Variants in ZNF37A observed in about 807,000 individuals in gnomAD.
The protein encoded by ZNF37A is zinc finger protein 37A, also known as zinc finger protein 37a (KOX 21).
ZNF37A carries 10 observed loss-of-function variants against 12.3 expected under a neutral mutation model. The ratio of observed to expected loss-of-function variants is 0.82; its 90% CI spans 0.50 to 1.38. The LOEUF (loss-of-function observed/expected upper bound fraction) is 1.38. Ranked by LOEUF, ZNF37A falls within the 40% of genes most tolerant of loss-of-function variation. The pLI is 0.00. For missense variants in ZNF37A, 580 were observed against 651.2 expected (o/e 0.89, Z 1.19); for synonymous variants, 207 against 223.0 (o/e 0.93, Z 0.64).
chr10:38,144,452 A>G (rs945680144), intron 7 of ZNF37A: 1 of 152,230 alleles, frequency 6.6e-6, no homozygotes, highest in Non-Finnish European at 1.5e-5. Context: ...TTTCTCTCAC[A>G]GTCAAATACA....
chr10:38,098,187 A>G lies in ZNF37A; in HGVS notation c.15+1555A>G, dbSNP rs1219080561. Among the ~76,000 whole-genome samples, 3 of 152,204 alleles carry G rather than the reference A, an allele frequency of 2.0e-5. No homozygotes were observed. The East Asian group carries it at 5.8e-4, about 29-fold the overall frequency. On this transcript the variant is annotated intron_variant, in intron 5 of 7. Coordinates refer to ENST00000685332, the MANE Select transcript of ZNF37A (RefSeq NM_001324250.3). ...GACTGAACAATATTCTATTATATGG[A>G]TATACCAACTTTTGTTTATCCATTC...
chr10:38,132,579 G>T lies in ZNF37A; in HGVS notation c.239-14153G>T, dbSNP rs149797348. ...TTCAGTACAATATTTAATAAATAAA[G>T]TAAGATAGTCAACACTTTATTATAA... On this transcript the variant is annotated intron_variant, in intron 7 of 7. Transcript: ENST00000638053. 3.6e-3 allele frequency among the ~76,000 whole-genome samples: 543 copies of T among 152,126 alleles called. 9 individuals are homozygous for T. The South Asian group carries it at 0.05, about 14-fold the overall frequency.
chr10:38,113,598 C>T (rs2069004990), intron 5 of ZNF37A, among the ~76,000 whole-genome samples: 1 of 152,194 alleles, frequency 6.6e-6, no homozygotes, highest in Admixed American at 6.5e-5. Context: ...CCTCCTGGTT[C>T]TAATTTCCAG....
At position 38,112,787 on chromosome 10, in the gene ZNF37A, T is replaced by TGG. The variant is rs1216587557; in HGVS notation, c.16-1968_16-1967insGG. On this transcript the variant is annotated intron_variant, in intron 5 of 7. Coordinates refer to ENST00000685332, the MANE Select transcript of ZNF37A (RefSeq NM_001324250.3). The stretch of plus-strand genomic sequence containing the variant: ...TTTCTTTTCTTTTCTTTTCTTTTCT[T>TGG]TTCTTTTCTTGTCTTGTCTTGTCTT... Among the ~76,000 whole-genome samples, 63 of 59,960 alleles carry TGG rather than the reference T, an allele frequency of 1.1e-3. 8 individuals carry two copies. The highest frequency in any genetic ancestry group is 1.4e-3 in the African/African-American group (22 of 15,974). The allele number at this position is 59,960 out of a possible 152,430, so 39.3% of individuals were successfully genotyped here.
At chr10:38,110,482 A>G (rs1328481075) in intron 5 of ZNF37A, among the ~76,000 whole-genome samples, 8 of 152,346 alleles carry the variant, frequency 5.3e-5, no homozygotes, top group South Asian at 2.1e-4. Context: ...AAAATTGACA[A>G]ATGGGATCTA....
At chr10:38,146,274 T>TTTTA (rs1297745918) in intron 7 of ZNF37A, among the ~76,000 whole-genome samples, 1 of 152,024 alleles carries the variant, frequency 6.6e-6, no homozygotes, top group Admixed American at 6.6e-5. Flanking sequence ...AACAAGGGTG[T>TTTTA]TTTATTTATT....
downstream of ZNF37A, among the ~76,000 whole-genome samples, chr10:38,125,880 A>G (rs116061327): frequency 2.0e-5 from 3 of 152,322 alleles, no homozygotes; most frequent in Non-Finnish European, 2.9e-5. Context: ...GCTGGGATCT[A>G]CTTGGCTTCT....
intron 7 of ZNF37A, among the ~76,000 whole-genome samples, chr10:38,131,749 G>A (rs1261586622): frequency 6.6e-6 from 1 of 152,136 alleles, no homozygotes; most frequent in Admixed American, 6.5e-5. Context: ...ACAGTGTTAA[G>A]TCTTCCTATA....
At chr10:38,100,329 C>T (rs973544724) in intron 5 of ZNF37A, among the ~76,000 whole-genome samples, 3 of 152,068 alleles carry the variant, frequency 2.0e-5, no homozygotes, top group South Asian at 2.1e-4. Context: ...TGAGAGCAAC[C>T]GGTCTGACCA....
chr10:38,116,507 T>C (rs1386443110), intron 7 of ZNF37A, among the ~76,000 whole-genome samples: 1 of 152,146 alleles, frequency 6.6e-6, no homozygotes, highest in Non-Finnish European at 1.5e-5. Flanking sequence ...ATGAGCAATT[T>C]ATGAGGGACA....
At chr10:38,143,336 A>G (rs143540581) in intron 7 of ZNF37A, 164 of 152,378 alleles carry the variant, frequency 1.1e-3, no homozygotes, top group African/African-American at 3.7e-3. Context: ...TAATTTCAAT[A>G]AATATTTAAG....
chr10:38,100,735 G>GTGACATACATCTTCCTCAGC, intron 5 of ZNF37A, among the ~76,000 whole-genome samples: 1 of 152,218 alleles, frequency 6.6e-6, no homozygotes, highest in South Asian at 2.1e-4. Context: ...TGGTCCTCAG[G>GTGACATACATCTTCCTCAGC]TGACATACAT....
At chr10:38,099,228 C>G (rs1284733688) in intron 5 of ZNF37A, among the ~76,000 whole-genome samples, 1 of 152,132 alleles carries the variant, frequency 6.6e-6, no homozygotes, top group African/African-American at 2.4e-5. Context: ...ATCTCCAGAA[C>G]TTTTTCATCT....
At chr10:38,146,811 G>A in exon 8 of ZNF37A, 1 of 398,506 alleles carries the variant, frequency 2.5e-6, no homozygotes, top group East Asian at 3.6e-5. Context: ...CTCCAACCGA[G>A]CGGCACTAGA....
Position 38,114,818 on chromosome 10 carries a change from C to A in ZNF37A, c.79C>A (p.Pro27Thr). 1 of 1,613,964 alleles carries A rather than the reference C, an allele frequency of 6.2e-7. No homozygotes were observed. Among genetic ancestry groups the A allele is most frequent in the Non-Finnish European group, 8.5e-7 (1 of 1,179,964 alleles). ...FTQEEWQHLD[P>T]AQRTLYRDVM... ...TCAAGAGGAGTGGCAGCATCTGGACCCTGCTCAGAGGACCCTGTACAGGGA... is the reference window on the plus strand; with the variant it reads ...TCAAGAGGAGTGGCAGCATCTGGACACTGCTCAGAGGACCCTGTACAGGGA... Residue 27 changes from proline to threonine, a missense_variant, in exon 6 of 8, where the codon CCT (proline) becomes ACT (threonine). Transcript: ENST00000685332.
chr10:38,104,058 A>G (rs1445678222), intron 5 of ZNF37A, among the ~76,000 whole-genome samples: 1 of 152,200 alleles, frequency 6.6e-6, no homozygotes, highest in Non-Finnish European at 1.5e-5. Flanking sequence ...CATGATCTCA[A>G]TTCCCTGCTT....
chr10:38,110,486 G>T (rs1352957226), intron 5 of ZNF37A, among the ~76,000 whole-genome samples: 1 of 152,088 alleles, frequency 6.6e-6, no homozygotes, highest in Non-Finnish European at 1.5e-5. Flanking sequence ...TTGACAAATG[G>T]GATCTAATTA....
At chr10:38,107,214 A>G (rs1400171806) in intron 5 of ZNF37A, among the ~76,000 whole-genome samples, 27 of 152,224 alleles carry the variant, frequency 1.8e-4, no homozygotes, top group Non-Finnish European at 3.7e-4. Context: ...ATTCTTAAAG[A>G]AAAGAATTTT....
intron 7 of ZNF37A, chr10:38,140,543 T>C (rs1425663728): frequency 1.3e-5 from 2 of 152,208 alleles, no homozygotes; most frequent in Non-Finnish European, 2.9e-5. Context: ...GATATGTAGA[T>C]AAGATAGACT....
Sources: gnomAD v4.1 joint callset for allele counts (sites outside exome capture counted in the v4.1 genomes callset) on GRCh38, gnomAD v4.1.1 for gene constraint, MANE v1.5 for transcripts, NCBI Gene and HGNC (gene_info 2026-07-23, HGNC 2026-07-21) for gene names.